The following ZNF385D variants were observed in gnomAD, a reference collection of about 807,000 sequenced individuals.
The protein encoded by ZNF385D is zinc finger protein 659.
In ZNF385D, 15 loss-of-function variants were observed where a neutral mutation model predicts 35.8. The ratio of observed to expected loss-of-function variants is 0.42; its 90% CI spans 0.28 to 0.64. The LOEUF (loss-of-function observed/expected upper bound fraction) is 0.64. Among genes scored for constraint, ZNF385D ranks in the 30% least tolerant of loss-of-function variants. The pLI, the probability that ZNF385D is intolerant of heterozygous loss-of-function variation, is 0.23. For missense variants in ZNF385D, 474 were observed against 494.6 expected (o/e 0.96, Z 0.39); for synonymous variants, 212 against 186.8 (o/e 1.13, Z -1.10).
At chr3:22,126,839 A>G (rs1024574431) in intron 3 of ZNF385D, among the ~76,000 whole-genome samples, 2 of 152,080 alleles carry the variant, frequency 1.3e-5, no homozygotes, top group Admixed American at 6.6e-5. Flanking sequence ...TTTGTTTTCT[A>G]TATCTGGGTT....
intron 2 of ZNF385D, among the ~76,000 whole-genome samples, chr3:22,369,404 AGTTTC>A (rs1384271000): frequency 6.6e-6 from 1 of 152,160 alleles, no homozygotes; most frequent in Non-Finnish European, 1.5e-5. Context: ...GTTCATAATT[AGTTTC>A]ATTATTTTAA....
intron 3 of ZNF385D, among the ~76,000 whole-genome samples, chr3:21,522,720 G>A (rs1464880613): frequency 6.6e-6 from 1 of 152,078 alleles, no homozygotes; most frequent in Non-Finnish European, 1.5e-5. Flanking sequence ...AGCTGGGAAG[G>A]GACAGTGGCA....
At chr3:21,661,602 T>C (rs940334072) in intron 2 of ZNF385D, among the ~76,000 whole-genome samples, 1 of 152,190 alleles carries the variant, frequency 6.6e-6, no homozygotes, top group African/African-American at 2.4e-5. Flanking sequence ...GAAACTCTAA[T>C]GTCTTAAGAG....
intron 2 of ZNF385D, among the ~76,000 whole-genome samples, chr3:22,194,233 C>G (rs1696255542): frequency 6.6e-6 from 1 of 151,428 alleles, no homozygotes; most frequent in Admixed American, 6.6e-5. Flanking sequence ...CCATTTTTGC[C>G]AAAATTAAAG....
In ZNF385D at chr3:22,021,592, A is replaced by G. The variant is rs1299584707; in HGVS notation, c.325+147225T>C. Among the ~76,000 whole-genome samples, 3 of 152,112 alleles carry G rather than the reference A, an allele frequency of 2.0e-5. No individual in the cohort carries two copies. In the East Asian group the frequency reaches 5.8e-4, roughly 29 times the overall value. ...TATACTTTTGTGAGGACTGAGTGAG[A>G]TAACACAGGTAGTGTTTAGCTCCAT... On this transcript the variant is annotated intron_variant, in intron 3 of 5. Transcript: ENST00000494108.
At chr3:21,798,793 T>G (rs2072268564) in intron 3 of ZNF385D, among the ~76,000 whole-genome samples, 1 of 152,204 alleles carries the variant, frequency 6.6e-6, no homozygotes, top group East Asian at 1.9e-4. Flanking sequence ...TTCTCAGTGA[T>G]ACTTTATTTT....
intron 2 of ZNF385D, among the ~76,000 whole-genome samples, chr3:21,586,593 G>C (rs1021937670): frequency 1.3e-5 from 2 of 152,160 alleles, no homozygotes; most frequent in Non-Finnish European, 2.9e-5. Flanking sequence ...AGGTTGGGCA[G>C]TTTGATAAAG....
chr3:22,177,186 T>G (rs1694892159), intron 2 of ZNF385D, among the ~76,000 whole-genome samples: 1 of 152,198 alleles, frequency 6.6e-6, no homozygotes, highest in African/African-American at 2.4e-5. Context: ...GTCCTGCTCT[T>G]GAGTTCTCAG....
At position 22,237,919 on chromosome 3, in the gene ZNF385D, G is replaced by A. The variant is rs1002111701; in HGVS notation, c.107-68884C>T. On this transcript the variant is annotated intron_variant, in intron 2 of 5. Coordinates refer to the ZNF385D transcript ENST00000494108. Reference sequence around the variant, plus strand: ...AACCTCCCAAAGTGCTGGCATTACAGGCCTGAGTCACCACCCCTGGGCAAA... The same window carrying A: ...AACCTCCCAAAGTGCTGGCATTACAAGCCTGAGTCACCACCCCTGGGCAAA... 1.2e-4 allele frequency among the ~76,000 whole-genome samples: 18 copies of A among 151,098 alleles called. 1 individual carries two copies. The South Asian group carries it at 1.5e-3, about 13-fold the overall frequency.
chr3:22,118,730 G>A (rs943451292), intron 3 of ZNF385D, among the ~76,000 whole-genome samples: 1 of 152,004 alleles, frequency 6.6e-6, no homozygotes, highest in African/African-American at 2.4e-5. Flanking sequence ...TCCTTGATCT[G>A]ACCTAGCACC....
chr3:22,107,267 C>T (rs1702275937), intron 3 of ZNF385D, among the ~76,000 whole-genome samples: 2 of 151,946 alleles, frequency 1.3e-5, no homozygotes, highest in Admixed American at 1.3e-4. Flanking sequence ...AGGTGATTTG[C>T]CTGCCTTGGC....
intron 2 of ZNF385D, among the ~76,000 whole-genome samples, chr3:22,272,405 A>G (rs963130468): frequency 6.6e-6 from 1 of 151,908 alleles, no homozygotes; most frequent in African/African-American, 2.4e-5. Context: ...CTAAACCTTC[A>G]CCATCTAGGA....
chr3:21,765,722 C>CAG (rs149537086), intron 3 of ZNF385D, among the ~76,000 whole-genome samples: 7 of 151,378 alleles, frequency 4.6e-5, no homozygotes, highest in African/African-American at 1.2e-4. Context: ...CATACACACA[C>CAG]AGAGAGAGAA....
At chr3:21,610,364 G>A (rs1019978493) in intron 2 of ZNF385D, among the ~76,000 whole-genome samples, 1 of 152,070 alleles carries the variant, frequency 6.6e-6, no homozygotes, top group Non-Finnish European at 1.5e-5. Flanking sequence ...CAGTGTACCT[G>A]GCATAGATAT....
At chr3:22,127,456 C>T (rs963865510) in intron 3 of ZNF385D, among the ~76,000 whole-genome samples, 5 of 150,158 alleles carry the variant, frequency 3.3e-5, no homozygotes, top group African/African-American at 4.9e-5. Flanking sequence ...TCTCCTGCCT[C>T]AGCCTCCCTA....
At chr3:21,795,701 T>C (rs2072120392) in intron 3 of ZNF385D, among the ~76,000 whole-genome samples, 1 of 152,156 alleles carries the variant, frequency 6.6e-6, no homozygotes, top group Admixed American at 6.5e-5. Context: ...TCAGTGAATT[T>C]GTGGGAAGAA....
chr3:22,209,334 G>A (rs1357108376), intron 2 of ZNF385D, among the ~76,000 whole-genome samples: 1 of 151,832 alleles, frequency 6.6e-6, no homozygotes, highest in Non-Finnish European at 1.5e-5. Context: ...CTTAATAGTG[G>A]AAAGTAATTA....
Position 21,694,042 on chromosome 3 carries a change from C to CTTTTTTTTT in ZNF385D, c.23-29023_23-29015dup, listed in dbSNP as rs35586361. Among the ~76,000 whole-genome samples the CTTTTTTTTT allele has an allele frequency of 1.5e-3, 34 of 22,162 alleles. 7 individuals are homozygous for CTTTTTTTTT. The highest frequency in any genetic ancestry group is 4.0e-3 in the African/African-American group (19 of 4,756). The allele number at this position is 22,162 out of a possible 152,430, so 14.5% of individuals were successfully genotyped here. ...TACAGGCGCGTGCCACTACGCCTGG[C>CTTTTTTTTT]TTTTTTTTTTTTTTTTTTTGAGACA... On this transcript the variant is annotated intron_variant, in intron 1 of 7. Transcript: ENST00000281523.
chr3:21,926,347 T>A (rs568274118), intron 3 of ZNF385D, among the ~76,000 whole-genome samples: 1 of 152,138 alleles, frequency 6.6e-6, no homozygotes, highest in Non-Finnish European at 1.5e-5. Context: ...TGTGTTCTCA[T>A]TGTTCAACTC....
Sources: gnomAD v4.1 joint callset for allele counts (sites outside exome capture counted in the v4.1 genomes callset) on GRCh38, gnomAD v4.1.1 for gene constraint, MANE v1.5 for transcripts, NCBI Gene and HGNC (gene_info 2026-07-23, HGNC 2026-07-21) for gene names.